PATE4: variants seen among roughly 807,000 people sequenced by gnomAD.
The protein encoded by PATE4 is prostate and testis expressed 4.
In PATE4, 13 loss-of-function variants were observed where a neutral mutation model predicts 8.5. That is an observed-to-expected ratio of 1.53 (90% CI 1.00 to 2.43). The LOEUF is 2.43. Among genes scored for constraint, PATE4 ranks in the 30% most tolerant of loss-of-function variants. The pLI is 0.00. For synonymous variants in PATE4, 47 were observed against 39.3 expected (o/e 1.20, Z -0.73); for missense variants, 127 against 115.5 (o/e 1.10, Z -0.46).
intron 1 of PATE4, among the ~76,000 whole-genome samples, chr11:125,834,811 C>G (rs1591477935): frequency 6.6e-6 from 1 of 152,094 alleles, no homozygotes; most frequent in East Asian, 1.9e-4. Context: ...TGGTACAGCA[C>G]TACAGTGGAA....
chr11:125,839,901 G>A lies in PATE4; in HGVS notation c.*1474G>A, dbSNP rs1055460073. On this transcript the variant is annotated 3_prime_UTR_variant, in exon 3 of 3. Transcript: ENST00000457514. Reference sequence around the variant, plus strand: ...CCCCTTCTTAAAACTCTCCTCTCTAGCTCCTATGACTGTACATTTGTAGTT... The same window carrying A: ...CCCCTTCTTAAAACTCTCCTCTCTAACTCCTATGACTGTACATTTGTAGTT... The A allele has an allele frequency of 1.3e-5, 2 of 152,088 alleles. No individual in the cohort carries two copies. The highest frequency in any genetic ancestry group is 2.9e-5 in the Non-Finnish European group (2 of 68,012). The allele number at this position is 152,088 out of a possible 1,614,324, so 9.4% of individuals were successfully genotyped here.
chr11:125,833,926 C>T (rs1943903620), intron 1 of PATE4, among the ~76,000 whole-genome samples: 1 of 152,164 alleles, frequency 6.6e-6, no homozygotes, highest in Admixed American at 6.5e-5. Context: ...TTCTGAGCTT[C>T]AGTCTTTCAT....
chr11:125,839,652 A>C lies in PATE4; in HGVS notation c.*1225A>C, dbSNP rs1943946423. The C allele has an allele frequency of 6.5e-6, 1 of 152,756 alleles. No individual in the cohort carries two copies. Among genetic ancestry groups the C allele is most frequent in the African/African-American group, 2.4e-5 (1 of 41,472 alleles). The allele number at this position is 152,756 out of a possible 1,614,324, so 9.5% of individuals were successfully genotyped here. On this transcript the variant is annotated 3_prime_UTR_variant, in exon 3 of 3. Coordinates refer to ENST00000457514, the MANE Select transcript of PATE4 (RefSeq NM_001144874.1). ...GGGGAAGCCTCACAATCATGGCAGA[A>C]GGTAAAAGGCATGTCTCACATAGTG...
intron 1 of PATE4, among the ~76,000 whole-genome samples, chr11:125,834,200 C>T (rs1565434354): frequency 1.3e-5 from 2 of 151,998 alleles, no homozygotes; most frequent in African/African-American, 4.8e-5. Context: ...GACTCAAAAT[C>T]CAGAGCTCTT....
At chr11:125,835,196 C>A (rs951878391) in intron 1 of PATE4, 1 of 152,210 alleles carries the variant, frequency 6.6e-6, no homozygotes, top group Non-Finnish European at 1.5e-5. Context: ...GTGTACTGCG[C>A]AGCCTGCTCC....
At position 125,837,863 on chromosome 11, in the gene PATE4, T is replaced by C. The variant is rs562900105; in HGVS notation, c.59-5T>C. The C allele has an allele frequency of 2.5e-5, 38 of 1,544,722 alleles. No individual in the cohort carries two copies. The South Asian group carries it at 4.3e-4, about 17-fold the overall frequency. On this transcript the variant is annotated splice_region_variant and splice_polypyrimidine_tract_variant and intron_variant, in intron 1 of 2. Coordinates refer to ENST00000457514, the MANE Select transcript of PATE4 (RefSeq NM_001144874.1). ...CCTGAATATTCTATTCTCTCCACCCTGCAGTTATGGGTCTGAAGTGTAATA... is the reference window on the plus strand; with the variant it reads ...CCTGAATATTCTATTCTCTCCACCCCGCAGTTATGGGTCTGAAGTGTAATA...
Position 125,838,509 on chromosome 11 carries a change from A to G in PATE4, c.*82A>G, listed in dbSNP as rs1002588694. ...CAACATGAACTGTTTTATTTCCCAC[A>G]CCAAATTCCACACTGGCCTAAGATC... On this transcript the variant is annotated 3_prime_UTR_variant, in exon 3 of 3. Coordinates refer to ENST00000457514, the MANE Select transcript of PATE4 (RefSeq NM_001144874.1). The G allele has an allele frequency of 2.8e-6, 4 of 1,431,350 alleles. No individual in the cohort carries two copies. Among genetic ancestry groups the G allele is most frequent in the Non-Finnish European group, 3.7e-6 (4 of 1,086,676 alleles). 88.7% of individuals were successfully genotyped at this position (1,431,350 alleles called of 1,614,324 possible). A position where few individuals can be genotyped will look rare whatever the true frequency, so the allele number is the denominator to read the frequency against.
chr11:125,833,930 C>A (rs1485069310), intron 1 of PATE4, among the ~76,000 whole-genome samples: 1 of 152,272 alleles, frequency 6.6e-6, no homozygotes, highest in South Asian at 2.1e-4. Context: ...GAGCTTCAGT[C>A]TTTCATCAAC....
chr11:125,837,517 C>T (rs1218391694), intron 1 of PATE4, among the ~76,000 whole-genome samples: 2 of 152,180 alleles, frequency 1.3e-5, no homozygotes, highest in African/African-American at 4.8e-5. Context: ...CTAAAGTATT[C>T]CCCTGCTTTT....
rs1565435432 is a variant in PATE4, at chr11:125,838,495, G to C, written c.*68G>C. Reference sequence around the variant, plus strand: ...GAATCAAGACCAACCAACATGAACTGTTTTATTTCCCACACCAAATTCCAC... The same window carrying C: ...GAATCAAGACCAACCAACATGAACTCTTTTATTTCCCACACCAAATTCCAC... On this transcript the variant is annotated 3_prime_UTR_variant, in exon 3 of 3. Coordinates refer to ENST00000457514, the MANE Select transcript of PATE4 (RefSeq NM_001144874.1). The C allele has an allele frequency of 2.7e-6, 4 of 1,463,846 alleles. No individual in the cohort carries two copies. The highest frequency in any genetic ancestry group is 2.7e-6 in the Non-Finnish European group (3 of 1,108,320). 90.7% of individuals were successfully genotyped at this position (1,463,846 alleles called of 1,614,324 possible).
At chr11:125,834,641 A>C (rs1943907519) in intron 1 of PATE4, among the ~76,000 whole-genome samples, 2 of 152,212 alleles carry the variant, frequency 1.3e-5, no homozygotes. Context: ...TCAAAATTAC[A>C]AAAGTGTTTA....
chr11:125,835,265 T>C (rs1199650872), intron 1 of PATE4: 1 of 152,192 alleles, frequency 6.6e-6, no homozygotes, highest in Non-Finnish European at 1.5e-5. Flanking sequence ...ATTGATAGTG[T>C]CCTCTGGTGT....
At chr11:125,834,362 T>C (rs973244423) in intron 1 of PATE4, among the ~76,000 whole-genome samples, 4 of 152,050 alleles carry the variant, frequency 2.6e-5, no homozygotes, top group Non-Finnish European at 5.9e-5. Flanking sequence ...AACAACCTAA[T>C]AGAAAAATGG....
At chr11:125,835,604 T>C (rs539223724) in intron 1 of PATE4, 1 of 152,292 alleles carries the variant, frequency 6.6e-6, no homozygotes, top group African/African-American at 2.4e-5. Context: ...ATATTTTTTG[T>C]GGGGGAAATC....
rs1363100946 is a variant in PATE4, at chr11:125,839,729, T to C, written c.*1302T>C. 6.6e-6 allele frequency: 1 copy of C among 152,122 alleles called. No individual in the cohort carries two copies. The highest frequency in any genetic ancestry group is 6.5e-5 in the Admixed American group (1 of 15,280). 9.4% of individuals were successfully genotyped at this position (152,122 alleles called of 1,614,324 possible). ...GGAAAACTCTCCCTTATAATAACCA[T>C]CAGATCTTGTGAGACTTACTCACTA... On this transcript the variant is annotated 3_prime_UTR_variant, in exon 3 of 3. Coordinates refer to ENST00000457514, the MANE Select transcript of PATE4 (RefSeq NM_001144874.1).
At chr11:125,834,883 C>T (rs1943909200) in intron 1 of PATE4, 1 of 151,896 alleles carries the variant, frequency 6.6e-6, no homozygotes, top group Admixed American at 6.6e-5. Context: ...TAGTATACTA[C>T]CAATTATGAA....
chr11:125,836,289 A>G (rs1048009605), intron 1 of PATE4, among the ~76,000 whole-genome samples: 5 of 152,162 alleles, frequency 3.3e-5, no homozygotes, highest in Admixed American at 6.5e-5. Flanking sequence ...TTGACCTGCT[A>G]GATAAATGTA....
At chr11:125,837,271 CCTCT>C (rs1183408218) in intron 1 of PATE4, among the ~76,000 whole-genome samples, 2 of 152,216 alleles carry the variant, frequency 1.3e-5, no homozygotes, top group Non-Finnish European at 2.9e-5. Context: ...TCCCAAATCA[CCTCT>C]CTGTCTGCCT....
In PATE4 at chr11:125,838,500, A is replaced by C. The variant is rs1356250501; in HGVS notation, c.*73A>C. Reference sequence around the variant, plus strand: ...AAGACCAACCAACATGAACTGTTTTATTTCCCACACCAAATTCCACACTGG... The same window carrying C: ...AAGACCAACCAACATGAACTGTTTTCTTTCCCACACCAAATTCCACACTGG... On this transcript the variant is annotated 3_prime_UTR_variant, in exon 3 of 3. Coordinates refer to ENST00000457514, the MANE Select transcript of PATE4 (RefSeq NM_001144874.1). The C allele has an allele frequency of 6.9e-7, 1 of 1,457,848 alleles. No homozygotes were observed. The highest frequency in any genetic ancestry group is 1.4e-5 in the African/African-American group (1 of 70,172). The allele number at this position is 1,457,848 out of a possible 1,614,324, so 90.3% of individuals were successfully genotyped here.
Sources: gnomAD v4.1 joint callset for allele counts (sites outside exome capture counted in the v4.1 genomes callset) on GRCh38, gnomAD v4.1.1 for gene constraint, MANE v1.5 for transcripts, NCBI Gene and HGNC (gene_info 2026-07-23, HGNC 2026-07-21) for gene names.